PGAP2: variants seen among roughly 807,000 people sequenced by gnomAD.
The protein encoded by PGAP2 is post-GPI attachment to proteins 2.
Under a neutral mutation model 33.2 loss-of-function variants are expected in PGAP2, and 21 were observed. The observed-to-expected ratio is 0.63, with a 90% confidence interval of 0.45 to 0.91. The LOEUF (loss-of-function observed/expected upper bound fraction) is 0.91, where lower values mean the gene tolerates loss of function less well. Among genes scored for constraint, PGAP2 ranks in the 40% least tolerant of loss-of-function variants. The pLI is 0.00. For synonymous variants in PGAP2, 161 were observed against 172.9 expected, an observed-to-expected ratio of 0.93 and a Z score of 0.54; for missense variants, 345 against 424.0, an observed-to-expected ratio of 0.81 and a Z score of 1.64.
chr11:3,811,973 A>G lies in PGAP2; in HGVS notation c.165+549A>G. On this transcript the variant is annotated intron_variant, in intron 2 of 6. Coordinates refer to ENST00000278243, the MANE Select transcript of PGAP2 (RefSeq NM_014489.4). This position sits in a 1 kb window ranked among gnomAD's most constrained non-coding sequence, Gnocchi z 4.6. ...GTCATGACTGTATATAATGGGTTTG[A>G]GTGGGTCGTGTGTGAGAGAGACTAT... 6.6e-6 allele frequency among the ~76,000 whole-genome samples: 1 copy of G among 151,880 alleles called. No individual in the cohort carries two copies. The highest frequency in any genetic ancestry group is 1.9e-4 in the East Asian group (1 of 5,182).
At chr11:3,813,740 G>C (rs565312986) in intron 2 of PGAP2, among the ~76,000 whole-genome samples, 2 of 152,168 alleles carry the variant, frequency 1.3e-5, no homozygotes, top group Non-Finnish European at 2.9e-5. Context: ...CCTGGGGAAA[G>C]GAAGGCATGG....
Position 3,811,435 on chromosome 11 carries a change from G to A in PGAP2, c.165+11G>A, listed in dbSNP as rs1188099913. ...GCCACACACTGTGGGGTAGGGCATGGGGACACTGATACCTCATATTCAGGC... is the reference window on the plus strand; with the variant it reads ...GCCACACACTGTGGGGTAGGGCATGAGGACACTGATACCTCATATTCAGGC... On this transcript the variant is annotated intron_variant, in intron 2 of 6. Coordinates refer to ENST00000278243, the MANE Select transcript of PGAP2 (RefSeq NM_014489.4). This position sits in a 1 kb window ranked among gnomAD's most constrained non-coding sequence, Gnocchi z 4.6. 6.2e-7 allele frequency: 1 copy of A among 1,611,638 alleles called. No homozygotes were observed. The highest frequency in any genetic ancestry group is 1.7e-5 in the Admixed American group (1 of 59,858).
chr11:3,819,546 A>T (rs2088001120), intron 3 of PGAP2, among the ~76,000 whole-genome samples: 1 of 152,062 alleles, frequency 6.6e-6, no homozygotes, highest in Admixed American at 6.6e-5. Flanking sequence ...CTTTTACCTG[A>T]GGCCAAAGGA....
intron 1 of PGAP2, among the ~76,000 whole-genome samples, chr11:3,799,530 T>A (rs1033134492): frequency 1.3e-5 from 2 of 152,066 alleles, no homozygotes; most frequent in East Asian, 1.9e-4. Context: ...TCAAAAAAAA[T>A]TTTTAAAAAA....
Position 3,825,923 on chromosome 11 carries a change from G to A in PGAP2, c.*465G>A, listed in dbSNP as rs1294440581. Reference sequence around the variant, plus strand: ...TCCAGGCCTGTGGCCACAGTCCCCTGCTAAAGTTGCTCAGGTGTTCTAGTC... The same window carrying A: ...TCCAGGCCTGTGGCCACAGTCCCCTACTAAAGTTGCTCAGGTGTTCTAGTC... On this transcript the variant is annotated 3_prime_UTR_variant, in exon 7 of 7. Transcript: ENST00000278243. 1 of 160,798 alleles carries A rather than the reference G, an allele frequency of 6.2e-6. No individual in the cohort carries two copies. The highest frequency in any genetic ancestry group is 1.4e-5 in the Non-Finnish European group (1 of 72,352). 10.0% of individuals were successfully genotyped at this position (160,798 alleles called of 1,614,324 possible).
rs754159803 is a variant in PGAP2 at position 3,817,641 on chromosome 11, G to A, written c.348+106G>A. On this transcript the variant is annotated intron_variant, in intron 3 of 6. Transcript: ENST00000278243. Reference sequence around the variant, plus strand: ...AGTGGAGGATCAGAGAGAGGGAAAGGGACAAGGGGATGGGGGAAGGGTAGG... The same window carrying A: ...AGTGGAGGATCAGAGAGAGGGAAAGAGACAAGGGGATGGGGGAAGGGTAGG... The A allele has an allele frequency of 8.6e-6, 8 of 926,736 alleles. No individual in the cohort carries two copies. The African/African-American group carries it at 1.3e-4, about 15-fold the overall frequency. The allele number at this position is 926,736 out of a possible 1,614,324, so 57.4% of individuals were successfully genotyped here. A position where few individuals can be genotyped will look rare whatever the true frequency, so the allele number is the denominator to read the frequency against.
intron 1 of PGAP2, among the ~76,000 whole-genome samples, chr11:3,809,661 G>C (rs1413228393): frequency 6.6e-6 from 1 of 152,220 alleles, no homozygotes; most frequent in African/African-American, 2.4e-5. Context: ...TGAGGAAAAT[G>C]TTCCCCATCT....
chr11:3,820,902 T>C (rs2088453691), intron 3 of PGAP2, among the ~76,000 whole-genome samples: 1 of 152,156 alleles, frequency 6.6e-6, no homozygotes, highest in East Asian at 1.9e-4. Flanking sequence ...AATGAGGAAA[T>C]TGGAGCTCAG....
At chr11:3,813,251 C>T (rs1238770747) in intron 2 of PGAP2, among the ~76,000 whole-genome samples, 2 of 152,160 alleles carry the variant, frequency 1.3e-5, no homozygotes, top group East Asian at 1.9e-4. Context: ...GTCTCATTTC[C>T]GTCACCCAGG....
intron 3 of PGAP2, chr11:3,817,907 G>A (rs2087482917): frequency 2.2e-6 from 1 of 460,348 alleles, no homozygotes; most frequent in African/African-American, 2.0e-5. Context: ...TTAGCTGGGT[G>A]CCCTGGCATG....
At chr11:3,818,879 G>C (rs2087797135) in intron 3 of PGAP2, among the ~76,000 whole-genome samples, 1 of 152,154 alleles carries the variant, frequency 6.6e-6, no homozygotes, top group Non-Finnish European at 1.5e-5. Context: ...ACGCAGCTTG[G>C]ACATTGGGGA....
chr11:3,814,454 G>A (rs542179436), intron 2 of PGAP2, among the ~76,000 whole-genome samples: 6 of 151,968 alleles, frequency 3.9e-5, no homozygotes, highest in African/African-American at 7.3e-5. Flanking sequence ...ACGGGGTTTC[G>A]TCATGTTGGC....
At chr11:3,805,259 CTTTTTTTTT>C (rs1171517604), upstream of PGAP2, among the ~76,000 whole-genome samples, 3 of 123,212 alleles carry the variant, frequency 2.4e-5, no homozygotes, top group Admixed American at 1.7e-4. Context: ...TGTGGATATT[CTTTTTTTTT>C]TTTTTTTTTT....
In PGAP2 at chr11:3,814,830, CT is replaced by C. The variant is rs1223361425; in HGVS notation, c.166-2516del. On this transcript the variant is annotated intron_variant, in intron 2 of 6. Transcript: ENST00000278243. ...TTTCTTTCTCTTTCTTTCTTTTTTTCTTTTTTTCCTTCTTTCTTTCCTTCTT... is the reference window on the plus strand; with the variant it reads ...TTTCTTTCTCTTTCTTTCTTTTTTTCTTTTTTCCTTCTTTCTTTCCTTCTT... Among the ~76,000 whole-genome samples, 10 of 127,514 alleles carry C rather than the reference CT, an allele frequency of 7.8e-5. No homozygotes were observed. In the South Asian group the frequency reaches 1.2e-3, roughly 16 times the overall value. 83.7% of individuals were successfully genotyped at this position (127,514 alleles called of 152,430 possible).
intron 1 of PGAP2, among the ~76,000 whole-genome samples, chr11:3,810,644 C>T (rs1186776495): frequency 6.6e-6 from 1 of 152,198 alleles, no homozygotes; most frequent in Non-Finnish European, 1.5e-5. Context: ...GCCTTTCACC[C>T]TGGGGGCACG....
At chr11:3,808,350 A>G (rs2134265089), upstream of PGAP2, 8 of 1,550,870 alleles carry the variant, frequency 5.2e-6, no homozygotes, top group East Asian at 1.5e-4. Flanking sequence ...AACATGCTCA[A>G]ACTCAGGTAT....
chr11:3,819,668 G>A (rs781508846), intron 3 of PGAP2, among the ~76,000 whole-genome samples: 4 of 151,928 alleles, frequency 2.6e-5, no homozygotes, highest in Admixed American at 6.6e-5. Context: ...TTATCCTCCC[G>A]TCTCTCAGTA....
At chr11:3,810,191 T>C (rs991925023) in intron 1 of PGAP2, among the ~76,000 whole-genome samples, 2 of 152,204 alleles carry the variant, frequency 1.3e-5, no homozygotes, top group African/African-American at 4.8e-5. Flanking sequence ...GCCTCATCTA[T>C]GTAGATTTTG....
At chr11:3,823,577 A>G in intron 3 of PGAP2, 4 of 1,535,332 alleles carry the variant, frequency 2.6e-6, no homozygotes, top group Non-Finnish European at 3.5e-6. Flanking sequence ...ATGGGTGTAG[A>G]GCATCTGAAC....
Sources: gnomAD v4.1 joint callset for allele counts (sites outside exome capture counted in the v4.1 genomes callset) on GRCh38, gnomAD v4.1.1 for gene constraint, Gnocchi (gnomAD v3.1) non-coding constraint, MANE v1.5 for transcripts, NCBI Gene and HGNC (gene_info 2026-07-23, HGNC 2026-07-21) for gene names.